Variants in SETD1A observed in about 807,000 individuals in gnomAD.
The protein encoded by SETD1A is SET domain containing 1A, histone lysine methyltransferase, also known as histone-lysine N-methyltransferase SETD1A.
A neutral mutation model predicts 149.9 loss-of-function variants in SETD1A; 29 were observed. That is an observed-to-expected ratio of 0.19 (90% confidence interval 0.14 to 0.26). SETD1A has a LOEUF of 0.26. Among genes scored for constraint, SETD1A ranks in the 10% least tolerant of loss-of-function variants. The pLI is 1.00. For missense variants in SETD1A, 2,109 were observed against 2,353.1 expected, an observed-to-expected ratio of 0.90 and a Z score of 2.15; for synonymous variants, 1,141 against 968.5, an observed-to-expected ratio of 1.18 and a Z score of -3.31.
chr16:30,958,845 G>A lies in SETD1A; in HGVS notation c.114G>A (p.Lys38=), dbSNP rs2056004999. Residue 38 remains lysine, a synonymous_variant, in exon 2 of 19, where the codon AAG becomes AAA. Coordinates refer to ENST00000262519, the MANE Select transcript of SETD1A (RefSeq NM_014712.3). ...CTGCCCTGCGCAGGCCTTCTCAGAA[G>A]GTGTACCGCTATGATGGAGTCCACT... is the stretch of plus-strand genomic sequence containing the variant. The part of the protein sequence containing the change: ...LDPALRRPSQ[K]VYRYDGVHFS... The A allele has an allele frequency of 4.3e-6, 7 of 1,614,192 alleles. No homozygotes were observed. Among genetic ancestry groups the A allele is most frequent in the Non-Finnish European group, 5.9e-6 (7 of 1,180,024 alleles).
Position 30,964,174 on chromosome 16 carries a change from C to T in SETD1A, c.720C>T (p.Gly240=), listed in dbSNP as rs948580149. 5 of 1,614,088 alleles carry T rather than the reference C, an allele frequency of 3.1e-6. No homozygotes were observed. Among genetic ancestry groups the T allele is most frequent in the Non-Finnish European group, 4.2e-6 (5 of 1,179,982 alleles). Residue 240 remains glycine (G), a synonymous_variant, in exon 6 of 19, where the codon GGC becomes GGT. Transcript: ENST00000262519. ...CTGCGGTGGGCACTCCTGGCAACGG[C>T]ACCCCCTGCTCCCAGGACACAAGCT... The part of the protein sequence containing the change: ...GTTAVGTPGN[G]TPCSQDTSFS...
At position 30,961,956 on chromosome 16, in the gene SETD1A, C is replaced by T. The variant is rs1452260316; in HGVS notation, c.517+419C>T. ...CTCCAGCTCCTGGGCTCAGCCACCC[C>T]AGCCTCCTGAGTAGCTGGGATTATG... On this transcript the variant is annotated intron_variant, in intron 4 of 18. Transcript: ENST00000262519. The surrounding 1 kb of genome is among the most constrained non-coding windows in gnomAD (Gnocchi z 4.0). 1.3e-5 allele frequency among the ~76,000 whole-genome samples: 2 copies of T among 152,264 alleles called. No individual in the cohort carries two copies. The highest frequency in any genetic ancestry group is 3.9e-4 in the East Asian group (2 of 5,176).
In SETD1A at chr16:30,964,990, G is replaced by A. The variant is rs898489080; in HGVS notation, c.1248G>A (p.Glu416=). ...PPSYTSYLPP[E]PSRPTDQDYR... ...CTTACACCTCCTACCTGCCCCCCGA[G>A]CCCAGCCGGCCCACCGACCAGGACT... Residue 416 remains glutamate (E), a synonymous_variant, in exon 7 of 19, where the codon GAG becomes GAA. Coordinates refer to ENST00000262519, the MANE Select transcript of SETD1A (RefSeq NM_014712.3). 5 of 1,613,766 alleles carry A rather than the reference G, an allele frequency of 3.1e-6. No homozygotes were observed. The Admixed American group carries it at 6.7e-5, about 22-fold the overall frequency.
rs905028878 is a variant in SETD1A, at chr16:30,961,141, C to A, written c.247-126C>A. 5.4e-6 allele frequency: 5 copies of A among 933,892 alleles called. No homozygotes were observed. The highest frequency in any genetic ancestry group is 2.2e-5 in the Admixed American group (1 of 44,652). 57.9% of individuals were successfully genotyped at this position (933,892 alleles called of 1,614,324 possible). A position where few individuals can be genotyped will look rare whatever the true frequency, so the allele number is the denominator to read the frequency against. On this transcript the variant is annotated intron_variant, in intron 3 of 18. Coordinates refer to ENST00000262519, the MANE Select transcript of SETD1A (RefSeq NM_014712.3). This position sits in a 1 kb window ranked among gnomAD's most constrained non-coding sequence, Gnocchi z 4.0. ...TCTGATGGATCCCTTATTTTGGGCC[C>A]CTTCCCTTGCCCCTCACTTTCCCGG... is the stretch of plus-strand genomic sequence containing the variant.
In SETD1A at chr16:30,971,560, G is replaced by A; in HGVS notation, c.3199G>A (p.Glu1067Lys). Residue 1067 changes from glutamate to lysine, a missense_variant, in exon 13 of 19, where the codon GAA (glutamate) becomes AAA (lysine). Around this residue, in one of 8 missense-constraint regions of SETD1A, gnomAD observed 832 missense variants for 815.6 expected, o/e 1.02. Transcript: ENST00000262519. ...TGAGTCCTCCTCTGAAGATGAAGAGGAAGAGGAGCGGCCAGCAGCCCTTCC... is the reference window on the plus strand; with the variant it reads ...TGAGTCCTCCTCTGAAGATGAAGAGAAAGAGGAGCGGCCAGCAGCCCTTCC... ...SSESSSEDEE[E>K]EERPAALPSA... The A allele has an allele frequency of 4.3e-6, 7 of 1,613,850 alleles. No homozygotes were observed. Among genetic ancestry groups the A allele is most frequent in the Non-Finnish European group, 5.9e-6 (7 of 1,179,916 alleles).
rs756249828 is a variant in SETD1A at position 30,979,376 on chromosome 16, G to T, written c.3590G>T (p.Arg1197Leu). The part of the protein sequence containing the change: ...PQAKFPGPAS[R>L]KAPRGVERTI... ...GCCAAGTTTCCCGGCCCAGCCTCCCGCAAGGCTCCCCGGGGCGTGGAGCGG... is the reference window on the plus strand; with the variant it reads ...GCCAAGTTTCCCGGCCCAGCCTCCCTCAAGGCTCCCCGGGGCGTGGAGCGG... Residue 1197 changes from arginine (R) to leucine (L), a missense_variant, in exon 14 of 19, where the codon CGC becomes CTC. By Grantham distance (102) the Arg-to-Leu change is moderately radical. Transcript: ENST00000262519. 14 of 1,612,238 alleles carry T rather than the reference G, an allele frequency of 8.7e-6. No individual in the cohort carries two copies. Among genetic ancestry groups the T allele is most frequent in the Middle Eastern group, 1.6e-4 (1 of 6,066 alleles).
intron 4 of SETD1A, among the ~76,000 whole-genome samples, chr16:30,962,497 C>G (rs931765421): frequency 5.9e-5 from 9 of 152,136 alleles, no homozygotes; most frequent in Non-Finnish European, 1.0e-4. Flanking sequence ...TGAACACAAG[C>G]GAGGTGGTCT....
chr16:30,983,563 G>A lies in SETD1A; in HGVS notation c.4813-72G>A. 6.4e-7 allele frequency: 1 copy of A among 1,551,012 alleles called. No homozygotes were observed. The highest frequency in any genetic ancestry group is 8.7e-7 in the Non-Finnish European group (1 of 1,145,492). On this transcript the variant is annotated intron_variant, in intron 17 of 18. Coordinates refer to ENST00000262519, the MANE Select transcript of SETD1A (RefSeq NM_014712.3). This position sits in a 1 kb window ranked among gnomAD's most constrained non-coding sequence, Gnocchi z 6.8. ...GGCCTGGTGGGCGTGGACCTGGGGT[G>A]CTGGCTGGCAGGCGTGCTCAGGGGC...
chr16:30,980,447 GC>G lies in SETD1A; in HGVS notation c.4409-36del. 1 of 1,585,956 alleles carries G rather than the reference GC, an allele frequency of 6.3e-7. No individual in the cohort carries two copies. The highest frequency in any genetic ancestry group is 8.6e-7 in the Non-Finnish European group (1 of 1,164,058). ...CTCTCCTTTGGCTGGGACGCAGGTG[GC>G]CAGAGAGGAGCCGTTCTCTTCCTTA... On this transcript the variant is annotated intron_variant, in intron 14 of 18. Transcript: ENST00000262519. This position sits in a 1 kb window ranked among gnomAD's most constrained non-coding sequence, Gnocchi z 7.7.
intron 17 of SETD1A, among the ~76,000 whole-genome samples, chr16:30,982,793 A>C (rs2056398093): frequency 6.6e-6 from 1 of 151,860 alleles, no homozygotes; most frequent in South Asian, 2.1e-4. Context: ...GACAGAGAGG[A>C]GGCTTTGGGT....
In SETD1A at chr16:30,980,944, C is replaced by G. The variant is rs779460915; in HGVS notation, c.4692+95C>G. 6.4e-7 allele frequency: 1 copy of G among 1,566,324 alleles called. No individual in the cohort carries two copies. The highest frequency in any genetic ancestry group is 1.2e-5 in the South Asian group (1 of 85,398). On this transcript the variant is annotated intron_variant, in intron 16 of 18. Coordinates refer to ENST00000262519, the MANE Select transcript of SETD1A (RefSeq NM_014712.3). The surrounding 1 kb of genome is among the most constrained non-coding windows in gnomAD (Gnocchi z 7.7). ...ACCCAGCAGGCTCCTGTGGTTCCCT[C>G]GGGTGGAGTTGGGGGGTAAGCAGCC...
At position 30,966,323 on chromosome 16, in the gene SETD1A, G is replaced by A; in HGVS notation, c.2442G>A (p.Met814Ile). The A allele has an allele frequency of 6.2e-7, 1 of 1,613,846 alleles. No homozygotes were observed. Among genetic ancestry groups the A allele is most frequent in the Non-Finnish European group, 8.5e-7 (1 of 1,180,010 alleles). Reference protein sequence around the residue: ...SIMQRDLNRKMVENVAFGAFD... With the variant: ...SIMQRDLNRKIVENVAFGAFD... ...TGCAGCGAGACCTCAACCGCAAGAT[G>A]GTGGAGAACGTGGCCTTCGGAGCCT... Residue 814 changes from methionine (M) to isoleucine (I), a missense_variant, in exon 8 of 19, where the codon ATG becomes ATA. By Grantham distance (10) the Met-to-Ile change is conservative (BLOSUM62 1). Around this residue, in one of 8 missense-constraint regions of SETD1A, gnomAD observed 22 missense variants for 51.3 expected, o/e 0.43. Transcript: ENST00000262519.
chr16:30,979,717 C>T lies in SETD1A; in HGVS notation c.3931C>T (p.Pro1311Ser). ...TGCCCTGGCCGTCAAGCCCACGCCC[C>T]CTGCGCCAGCCCTGCGGCCCCCGGA... is the stretch of plus-strand genomic sequence containing the variant. ...NYALAVKPTP[P>S]APALRPPEPV... The change falls in exon 14 of 19, where the codon CCT becomes TCT. Residue 1311 changes from proline to serine, a missense_variant. Coordinates refer to ENST00000262519, the MANE Select transcript of SETD1A (RefSeq NM_014712.3). 1 of 1,601,382 alleles carries T rather than the reference C, an allele frequency of 6.2e-7. No homozygotes were observed. The highest frequency in any genetic ancestry group is 1.1e-5 in the South Asian group (1 of 90,956).
chr16:30,971,271 G>T lies in SETD1A; in HGVS notation c.3017-107G>T. The T allele has an allele frequency of 5.8e-6, 7 of 1,198,758 alleles. No individual in the cohort carries two copies. In the South Asian group the frequency reaches 9.1e-5, roughly 16 times the overall value. 74.3% of individuals were successfully genotyped at this position (1,198,758 alleles called of 1,614,324 possible). On this transcript the variant is annotated intron_variant, in intron 12 of 18. Transcript: ENST00000262519. ...GCTCCTTGGTCTGTTGGACTTCCCCGTCCCTAGCCCAGAGCCCAGCATCCA... is the reference window on the plus strand; with the variant it reads ...GCTCCTTGGTCTGTTGGACTTCCCCTTCCCTAGCCCAGAGCCCAGCATCCA...
Position 30,964,310 on chromosome 16 carries a change from G to A in SETD1A, c.856G>A (p.Ala286Thr). ...CAGCACCCCCTACTCTCAGGACTCT[G>A]CCTACTCCAGCAGGTACAGAGCAGA... ...RGSTPYSQDS[A>T]YSSSTTSTSF... Residue 286 changes from alanine (A) to threonine (T), a missense_variant, in exon 6 of 19, where the codon GCC becomes ACC. By Grantham distance (58) the Ala-to-Thr change is moderately conservative (BLOSUM62 0). This residue lies in a region of SETD1A where 410 missense variants were observed against 394.8 expected (regional missense o/e 1.04). Coordinates refer to ENST00000262519, the MANE Select transcript of SETD1A (RefSeq NM_014712.3). 6.2e-7 allele frequency: 1 copy of A among 1,613,412 alleles called. No individual in the cohort carries two copies.
intron 13 of SETD1A, among the ~76,000 whole-genome samples, chr16:30,977,134 C>T (rs1027499021): frequency 1.1e-4 from 16 of 152,272 alleles, no homozygotes; most frequent in African/African-American, 2.6e-4. Context: ...TTAGTAGAGA[C>T]GGGATTTCAC....
At chr16:30,974,885 G>A (rs2056265776) in intron 13 of SETD1A, among the ~76,000 whole-genome samples, 1 of 152,168 alleles carries the variant, frequency 6.6e-6, no homozygotes, top group African/African-American at 2.4e-5. Flanking sequence ...GCTCACGCCT[G>A]TAATCCCAGC....
chr16:30,960,387 A>G (rs1037923678), intron 3 of SETD1A, among the ~76,000 whole-genome samples: 11 of 152,126 alleles, frequency 7.2e-5, no homozygotes, highest in African/African-American at 2.7e-4. Context: ...TTATATTTCC[A>G]TGTTCCAGGG....
chr16:30,971,119 C>T (rs899628129), intron 12 of SETD1A, among the ~76,000 whole-genome samples: 6 of 152,206 alleles, frequency 3.9e-5, no homozygotes, highest in Non-Finnish European at 7.3e-5. Context: ...ACTCCTTGTC[C>T]TTGAGTTCAG....
Sources: gnomAD v4.1 joint callset for allele counts (sites outside exome capture counted in the v4.1 genomes callset) on GRCh38, gnomAD v4.1.1 for gene constraint, gnomAD v4.1.1 regional missense constraint, Gnocchi (gnomAD v3.1) non-coding constraint, MANE v1.5 for transcripts, NCBI Gene and HGNC (gene_info 2026-07-23, HGNC 2026-07-21) for gene names.